SEPTIN12: variants seen among roughly 807,000 people sequenced by gnomAD.
The protein encoded by SEPTIN12 is septin 12.
A neutral mutation model predicts 37.7 loss-of-function variants in SEPTIN12; 42 were observed. The observed-to-expected ratio is 1.11, with a 90% CI of 0.87 to 1.44. The LOEUF (loss-of-function observed/expected upper bound fraction) is 1.44. Ranked by LOEUF, SEPTIN12 falls within the 40% of genes most tolerant of loss-of-function variation. The pLI, the probability that SEPTIN12 is intolerant of heterozygous loss-of-function variation, is 0.00. For synonymous variants in SEPTIN12, 254 were observed against 196.7 expected, an observed-to-expected ratio of 1.29 and a Z score of -2.44; for missense variants, 613 against 479.2, an observed-to-expected ratio of 1.28 and a Z score of -2.61.
chr16:4,783,971 C>T lies in SEPTIN12; in HGVS notation c.472G>A (p.Val158Met). The change falls in exon 5 of 10, where the codon GTG becomes ATG. Residue 158 changes from valine (V) to methionine (M), a missense_variant. By Grantham distance (21) the Val-to-Met change is conservative. Transcript: ENST00000268231. Reference sequence around the variant, plus strand: ...GGTACAAAGTACACGCAGCAGTGCACCCGGGTGTCTGGGATGTGGCGCTGG... The same window carrying T: ...GGTACAAAGTACACGCAGCAGTGCATCCGGGTGTCTGGGATGTGGCGCTGG... ...TRQRHIPDTR[V>M]HCCVYFVPPT... The T allele has an allele frequency of 6.2e-7, 1 of 1,614,192 alleles. No individual in the cohort carries two copies. The highest frequency in any genetic ancestry group is 1.1e-5 in the South Asian group (1 of 91,084).
chr16:4,784,922 C>T (rs8049114), intron 4 of SEPTIN12, among the ~76,000 whole-genome samples: 11,375 of 151,970 alleles, frequency 0.075, 1,420 homozygotes, highest in African/African-American at 0.26. Context: ...CCAGCCTGGC[C>T]AACATGGGGA....
chr16:4,785,591 T>C (rs913732996), intron 4 of SEPTIN12: 24 of 518,308 alleles, frequency 4.6e-5, no homozygotes, highest in Non-Finnish European at 7.7e-5. Context: ...CTGGCCAACA[T>C]GGTGAAACCC....
intron 7 of SEPTIN12, among the ~76,000 whole-genome samples, chr16:4,781,943 CTTTTTTTTTT>C (rs571415645): frequency 8.4e-5 from 4 of 47,450 alleles, no homozygotes; most frequent in African/African-American, 4.2e-4. Context: ...CGTGCCCGGC[CTTTTTTTTTT>C]TTTTTTTTTT....
At chr16:4,778,939 A>T (rs1354409356) in intron 8 of SEPTIN12, among the ~76,000 whole-genome samples, 4 of 151,978 alleles carry the variant, frequency 2.6e-5, no homozygotes. Flanking sequence ...GGAGTTTGAG[A>T]CCAGCCTGGC....
chr16:4,779,557 G>A lies in SEPTIN12; in HGVS notation c.823+133C>T, dbSNP rs1433910125. The A allele has an allele frequency of 5.3e-5, 37 of 696,286 alleles. No homozygotes were observed. In the Admixed American group the frequency reaches 8.1e-4, roughly 15 times the overall value. The allele number at this position is 696,286 out of a possible 1,614,324, so 43.1% of individuals were successfully genotyped here. On this transcript the variant is annotated intron_variant, in intron 8 of 9. Coordinates refer to ENST00000268231, the MANE Select transcript of SEPTIN12 (RefSeq NM_144605.5). Reference sequence around the variant, plus strand: ...CCACAGCCTCCCAGCTGGAAAGAGGGACCATTCCCCAGGGCTCTTTGTCTA... The same window carrying A: ...CCACAGCCTCCCAGCTGGAAAGAGGAACCATTCCCCAGGGCTCTTTGTCTA...
intron 4 of SEPTIN12, among the ~76,000 whole-genome samples, chr16:4,785,062 C>T (rs1322283929): frequency 3.3e-5 from 5 of 151,980 alleles, no homozygotes; most frequent in Non-Finnish European, 2.9e-5. Context: ...GCCTGGCCAA[C>T]GTGGTGAAAC....
upstream of SEPTIN12, among the ~76,000 whole-genome samples, chr16:4,791,371 G>A (rs1284761468): frequency 2.0e-5 from 3 of 152,182 alleles, no homozygotes; most frequent in Non-Finnish European, 2.9e-5. Flanking sequence ...ACGTCAACAC[G>A]GCGATAATAG....
rs1356535858 is a variant in SEPTIN12 at position 4,779,598 on chromosome 16, C to A, written c.823+92G>T. 5 of 806,288 alleles carry A rather than the reference C, an allele frequency of 6.2e-6. No individual in the cohort carries two copies. In the East Asian group the frequency reaches 1.2e-4, roughly 20 times the overall value. 49.9% of individuals were successfully genotyped at this position (806,288 alleles called of 1,614,324 possible). On this transcript the variant is annotated intron_variant, in intron 8 of 9. Transcript: ENST00000268231. ...TCTTTGTCTAGTGGGCTTCACCTTTCTGTGCCCTGTGATGGGTGCGAAGGT... is the reference window on the plus strand; with the variant it reads ...TCTTTGTCTAGTGGGCTTCACCTTTATGTGCCCTGTGATGGGTGCGAAGGT...
chr16:4,783,903 C>G (rs1284019050), intron 5 of SEPTIN12, 28 bp downstream of exon 5: 6 of 1,613,528 alleles, frequency 3.7e-6, no homozygotes, highest in Non-Finnish European at 2.5e-6. Flanking sequence ...TGCAGGTGGT[C>G]CTCGCCTTGC....
At chr16:4,778,869 G>C (rs1193264745) in intron 8 of SEPTIN12, among the ~76,000 whole-genome samples, 1 of 151,812 alleles carries the variant, frequency 6.6e-6, no homozygotes, top group African/African-American at 2.4e-5. Context: ...ACCGGGCGCG[G>C]TGGCACACGC....
intron 4 of SEPTIN12, among the ~76,000 whole-genome samples, chr16:4,784,435 G>T (rs1412778762): frequency 6.6e-6 from 1 of 152,060 alleles, no homozygotes; most frequent in East Asian, 1.9e-4. Flanking sequence ...TCCCCTCTTG[G>T]GTATTGTCAA....
upstream of SEPTIN12, among the ~76,000 whole-genome samples, chr16:4,791,500 C>T (rs1325720892): frequency 2.0e-5 from 3 of 152,118 alleles, no homozygotes; most frequent in Non-Finnish European, 4.4e-5. Flanking sequence ...TATTAACATA[C>T]CCATTTTACA....
intron 2 of SEPTIN12, 88 bp from the exon 3 acceptor site, chr16:4,786,193 A>C: frequency 6.8e-7 from 1 of 1,473,530 alleles, no homozygotes; most frequent in African/African-American, 1.4e-5. Context: ...TTATTTTTGG[A>C]GACAGGTTCT....
rs777450000 is a variant in SEPTIN12, at chr16:4,785,791, AAGAG to A, written c.374+12_374+15del. The A allele has an allele frequency of 6.9e-7, 1 of 1,450,350 alleles. No individual in the cohort carries two copies. Among genetic ancestry groups the A allele is most frequent in the Non-Finnish European group, 9.3e-7 (1 of 1,072,168 alleles). 89.8% of individuals were successfully genotyped at this position (1,450,350 alleles called of 1,614,324 possible). On this transcript the variant is annotated intron_variant, in intron 4 of 9. Transcript: ENST00000268231. ...GAAACTCTGCCTAAAAAAAAAAAAA[AAGAG>A]AGAGAACCTACCAGTTGTCATTGTT...
upstream of SEPTIN12, among the ~76,000 whole-genome samples, chr16:4,791,176 G>A (rs2082545263): frequency 6.6e-6 from 1 of 152,198 alleles, no homozygotes. Context: ...TGGCGGTGAG[G>A]GGAGGAGCCT....
intron 2 of SEPTIN12, among the ~76,000 whole-genome samples, chr16:4,786,953 C>A (rs779715994): frequency 1.7e-4 from 26 of 152,136 alleles, no homozygotes; most frequent in Non-Finnish European, 3.7e-4. Flanking sequence ...CGGCTCACTA[C>A]AACATCTGCC....
chr16:4,777,619 C>A lies in SEPTIN12; in HGVS notation c.*178G>T, dbSNP rs373128070. ...CTCCAGCCTGGGTAACAGAGTGACA[C>A]CCAGCCTTTTTATTTGTGGATAGCT... is the stretch of plus-strand genomic sequence containing the variant. On this transcript the variant is annotated 3_prime_UTR_variant, in exon 10 of 10. Coordinates refer to ENST00000268231, the MANE Select transcript of SEPTIN12 (RefSeq NM_144605.5). The A allele has an allele frequency of 1.4e-5, 8 of 585,762 alleles. No homozygotes were observed. Among genetic ancestry groups the A allele is most frequent in the Admixed American group, 3.3e-5 (1 of 29,866 alleles). The allele number at this position is 585,762 out of a possible 1,614,324, so 36.3% of individuals were successfully genotyped here.
rs775797856 is a variant in SEPTIN12 at position 4,784,021 on chromosome 16, A to G, written c.422T>C (p.Leu141Pro). ...GYINEQYEQY[L>P]QEEILITRQR... ...GCGGGTGATGAGGATCTCCTCCTGC[A>G]GGTACTGCTCGTATTGCTCGTTGAT... Residue 141 changes from leucine (L) to proline (P), a missense_variant, in exon 5 of 10, where the codon CTG (leucine) becomes CCG (proline). Leu to Pro is a moderately conservative substitution (Grantham distance 98, BLOSUM62 -3). Transcript: ENST00000268231. 6.2e-7 allele frequency: 1 copy of G among 1,614,176 alleles called. No homozygotes were observed. Among genetic ancestry groups the G allele is most frequent in the Non-Finnish European group, 8.5e-7 (1 of 1,180,032 alleles).
rs373273100 is a variant in SEPTIN12, at chr16:4,777,753, G to A, written c.*44C>T. The A allele has an allele frequency of 2.9e-5, 39 of 1,359,742 alleles. No individual in the cohort carries two copies. Among genetic ancestry groups the A allele is most frequent in the African/African-American group, 1.2e-4 (8 of 68,420 alleles). The allele number at this position is 1,359,742 out of a possible 1,614,324, so 84.2% of individuals were successfully genotyped here. On this transcript the variant is annotated 3_prime_UTR_variant, in exon 10 of 10. Coordinates refer to ENST00000268231, the MANE Select transcript of SEPTIN12 (RefSeq NM_144605.5). ...GGTACATAGGTGTGTGTTGAGAGCC[G>A]CTGGGGACTCAGGAAGCCCAGCAGC... is the stretch of plus-strand genomic sequence containing the variant.
Sources: gnomAD v4.1 joint callset for allele counts (sites outside exome capture counted in the v4.1 genomes callset) on GRCh38, gnomAD v4.1.1 for gene constraint, MANE v1.5 for transcripts, NCBI Gene and HGNC (gene_info 2026-07-23, HGNC 2026-07-21) for gene names.